GRM8: variants seen among roughly 807,000 people sequenced by gnomAD.
GRM8 encodes the protein glutamate metabotropic receptor 8, also known as metabotropic glutamate receptor 8.
Under a neutral mutation model 87.2 loss-of-function variants are expected in GRM8, and 47 were observed. That is an observed-to-expected ratio of 0.54 (90% confidence interval 0.43 to 0.69). The LOEUF is 0.69. GRM8 is among the 30% of genes least tolerant of loss of function. The pLI is 0.00. For missense variants in GRM8, 1,019 were observed against 1,139.2 expected, an observed-to-expected ratio of 0.89 and a Z score of 1.52; for synonymous variants, 396 against 404.5, an observed-to-expected ratio of 0.98 and a Z score of 0.25.
chr7:126,652,800 A>G (rs564133843), intron 7 of GRM8, among the ~76,000 whole-genome samples: 6 of 152,290 alleles, frequency 3.9e-5, no homozygotes, highest in African/African-American at 1.4e-4. Flanking sequence ...ATGTATATAT[A>G]TCCTATTAGT....
intron 8 of GRM8, among the ~76,000 whole-genome samples, chr7:126,579,080 C>A (rs919126486): frequency 1.3e-5 from 2 of 152,088 alleles, no homozygotes; most frequent in African/African-American, 4.8e-5. Context: ...AAGGATTCTA[C>A]TCCTCCCACT....
At chr7:126,784,349 T>C (rs1820405459) in intron 6 of GRM8, among the ~76,000 whole-genome samples, 1 of 152,224 alleles carries the variant, frequency 6.6e-6, no homozygotes, top group Non-Finnish European at 1.5e-5. Flanking sequence ...CTTTAAACTT[T>C]CGTTGCATGC....
At chr7:126,802,117 T>C (rs1244917442) in intron 6 of GRM8, among the ~76,000 whole-genome samples, 1 of 152,194 alleles carries the variant, frequency 6.6e-6, no homozygotes, top group Non-Finnish European at 1.5e-5. Context: ...ATTTCATACA[T>C]TGTGGAATGG....
intron 6 of GRM8, among the ~76,000 whole-genome samples, chr7:126,897,029 A>G (rs1055126108): frequency 6.6e-6 from 1 of 152,190 alleles, no homozygotes; most frequent in Non-Finnish European, 1.5e-5. Context: ...TGAATAATGA[A>G]TGAATGGATG....
At chr7:126,696,918 C>T (rs746324469) in intron 7 of GRM8, among the ~76,000 whole-genome samples, 13 of 152,178 alleles carry the variant, frequency 8.5e-5, no homozygotes, top group African/African-American at 2.4e-4. Flanking sequence ...AATATCCGCA[C>T]GCCAATGTTC....
Position 127,204,883 on chromosome 7 carries a change from C to A in GRM8, c.510+37812G>T, listed in dbSNP as rs17865576. ...TCCTGGACAGCCTGAATCAGTAAGT[C>A]GTTACTCTTCACCAAATGTAGCTTA... On this transcript the variant is annotated intron_variant, in intron 2 of 10. Transcript: ENST00000339582. Among the ~76,000 whole-genome samples, 573 of 152,246 alleles carry A rather than the reference C, an allele frequency of 3.8e-3. 3 individuals carry two copies. The highest frequency in any genetic ancestry group is 0.024 in the Middle Eastern group (7 of 294).
chr7:126,863,245 G>C (rs1207657841), intron 6 of GRM8, among the ~76,000 whole-genome samples: 1 of 151,984 alleles, frequency 6.6e-6, no homozygotes, highest in Non-Finnish European at 1.5e-5. Context: ...TAAATTTCCA[G>C]CTATATGGGG....
intron 2 of GRM8, among the ~76,000 whole-genome samples, chr7:127,141,285 G>T (rs1250802808): frequency 6.6e-6 from 1 of 151,324 alleles, no homozygotes; most frequent in Admixed American, 6.6e-5. Flanking sequence ...TCCAGATCTT[G>T]GCTCATGACA....
chr7:127,167,603 G>T (rs17864146), intron 2 of GRM8, among the ~76,000 whole-genome samples: 2 of 151,206 alleles, frequency 1.3e-5, no homozygotes, highest in African/African-American at 4.9e-5. Context: ...ATCCTTTATC[G>T]GGATCTGTGA....
At chr7:126,764,037 TACTATGTAGAA>T (rs1817919992) in intron 7 of GRM8, among the ~76,000 whole-genome samples, 1 of 151,984 alleles carries the variant, frequency 6.6e-6, no homozygotes, top group Admixed American at 6.6e-5. Flanking sequence ...GACTTCTTAA[TACTATGTAGAA>T]AAGTCTTAAT....
chr7:126,876,951 G>A (rs1309268858), intron 6 of GRM8, among the ~76,000 whole-genome samples: 3 of 140,404 alleles, frequency 2.1e-5, no homozygotes, highest in African/African-American at 7.6e-5. Context: ...AAAAAAAAAG[G>A]CTGTTCCATG....
At chr7:126,457,271 G>A (rs1279485489) in intron 9 of GRM8, among the ~76,000 whole-genome samples, 1 of 151,362 alleles carries the variant, frequency 6.6e-6, no homozygotes, top group Non-Finnish European at 1.5e-5. Context: ...GAAATTATTG[G>A]AGATATATAA....
At chr7:126,490,077 G>C (rs1807825975) in intron 9 of GRM8, among the ~76,000 whole-genome samples, 1 of 152,066 alleles carries the variant, frequency 6.6e-6, no homozygotes, top group South Asian at 2.1e-4. Context: ...AGCTTGCAGA[G>C]AGCAGATGGT....
At chr7:126,916,471 G>C (rs1238103473) in intron 3 of GRM8, among the ~76,000 whole-genome samples, 2 of 152,194 alleles carry the variant, frequency 1.3e-5, no homozygotes, top group African/African-American at 4.8e-5. Flanking sequence ...TGTGTTATAT[G>C]TGTACATATC....
intron 8 of GRM8, among the ~76,000 whole-genome samples, chr7:126,551,038 T>C (rs1164719002): frequency 6.6e-6 from 1 of 151,752 alleles, no homozygotes; most frequent in African/African-American, 2.4e-5. Flanking sequence ...AATAAAATAA[T>C]AATATAACAT....
At chr7:127,147,073 A>G (rs1858784) in intron 2 of GRM8, among the ~76,000 whole-genome samples, 99,421 of 151,916 alleles carry the variant, frequency 0.65, 33,869 homozygotes, top group African/African-American at 0.81. Flanking sequence ...TATTATTGCT[A>G]TTGCTATTTA....
At chr7:126,679,246 A>G (rs1485754226) in intron 7 of GRM8, among the ~76,000 whole-genome samples, 1 of 152,238 alleles carries the variant, frequency 6.6e-6, no homozygotes, top group Non-Finnish European at 1.5e-5. Context: ...TTACATGTCT[A>G]AAATTATTGC....
intron 9 of GRM8, among the ~76,000 whole-genome samples, chr7:126,507,781 TTCTTTTA>T (rs1162666421): frequency 2.2e-4 from 34 of 152,074 alleles, no homozygotes; most frequent in Non-Finnish European, 4.3e-4. Flanking sequence ...AGCTTGTCTA[TTCTTTTA>T]GAGCAACTTG....
chr7:127,026,952 G>T (rs1816846663), intron 3 of GRM8, among the ~76,000 whole-genome samples: 1 of 152,140 alleles, frequency 6.6e-6, no homozygotes, highest in Non-Finnish European at 1.5e-5. Flanking sequence ...TTCTTCTACG[G>T]TTTTTATGGT....
Sources: gnomAD v4.1 joint callset for allele counts (sites outside exome capture counted in the v4.1 genomes callset) on GRCh38, gnomAD v4.1.1 for gene constraint, MANE v1.5 for transcripts, NCBI Gene and HGNC (gene_info 2026-07-23, HGNC 2026-07-21) for gene names.